Variants in ETF1 observed in about 807,000 individuals in gnomAD.
ETF1 encodes eukaryotic translation termination factor 1, also known as eukaryotic peptide chain release factor subunit 1.
In ETF1, 4 loss-of-function variants were observed where a neutral mutation model predicts 55.1. The observed-to-expected ratio is 0.07, with a 90% CI of 0.04 to 0.17. The LOEUF (loss-of-function observed/expected upper bound fraction) is 0.17, where lower values mean the gene tolerates loss of function less well. ETF1 is among the 10% of genes least tolerant of loss of function. ETF1 has a pLI of 1.00. For missense variants in ETF1, 142 were observed against 523.6 expected, an observed-to-expected ratio of 0.27 and a Z score of 7.11; for synonymous variants, 157 against 182.3, an observed-to-expected ratio of 0.86 and a Z score of 1.12.
rs138714383 is a variant in ETF1, at chr5:138,528,193, T to G, written c.87-9326A>C. 3.8e-3 allele frequency among the ~76,000 whole-genome samples: 578 copies of G among 152,234 alleles called. 9 individuals are homozygous for G. Among genetic ancestry groups the G allele is most frequent in the African/African-American group, 0.013 (535 of 41,546 alleles). On this transcript the variant is annotated intron_variant, in intron 2 of 10. Transcript: ENST00000360541. ...ATGAAAACGGATGGCAAAGGTAAAG[T>G]CTCAGAGCTGAGGAAGAACAGGCAA...
chr5:138,507,350 C>T lies in ETF1; in HGVS notation c.*955G>A, dbSNP rs1205349648. On this transcript the variant is annotated 3_prime_UTR_variant, in exon 11 of 11. Coordinates refer to ENST00000360541, the MANE Select transcript of ETF1 (RefSeq NM_004730.4). The stretch of plus-strand genomic sequence containing the variant: ...TAATAAATCAAAACATTCACATAAT[C>T]TCATGCCATCCAACACAAGGAAAAC... 6.6e-6 allele frequency: 1 copy of T among 152,616 alleles called. No homozygotes were observed. The highest frequency in any genetic ancestry group is 6.5e-5 in the Admixed American group (1 of 15,278). 9.5% of individuals were successfully genotyped at this position (152,616 alleles called of 1,614,324 possible). A position where few individuals can be genotyped will look rare whatever the true frequency, so the allele number is the denominator to read the frequency against.
At chr5:138,541,880 T>TAA (rs60254128) in intron 2 of ETF1, among the ~76,000 whole-genome samples, 1 of 149,478 alleles carries the variant, frequency 6.7e-6, no homozygotes, top group Non-Finnish European at 1.5e-5. Flanking sequence ...CGAACAACGT[T>TAA]AAAAAAAAAA....
rs150933844 is a variant in ETF1 at position 138,511,136 on chromosome 5, T to C, written c.927A>G (p.Leu309=). Residue 309 remains leucine (L), a synonymous_variant, in exon 8 of 11, where the codon CTA becomes CTG. Transcript: ENST00000360541. ...GKYCFGVEDT[L]KALEMGAVEI... is the part of the protein sequence containing the mutation. ...CTACAGCTCCCATTTCCAAAGCCTTTAGTGTATCTTCAACGCCAAAACAGT... is the reference window on the plus strand; with the variant it reads ...CTACAGCTCCCATTTCCAAAGCCTTCAGTGTATCTTCAACGCCAAAACAGT... The C allele has an allele frequency of 9.5e-5, 153 of 1,613,992 alleles. No homozygotes were observed. The highest frequency in any genetic ancestry group is 1.2e-4 in the Non-Finnish European group (145 of 1,179,982).
intron 2 of ETF1, among the ~76,000 whole-genome samples, chr5:138,521,246 T>C (rs1765219544): frequency 6.6e-6 from 1 of 152,198 alleles, no homozygotes; most frequent in African/African-American, 2.4e-5. Context: ...TACTGTATGA[T>C]TCTGCTTACA....
intron 2 of ETF1, among the ~76,000 whole-genome samples, chr5:138,533,624 T>G (rs1483176697): frequency 6.6e-6 from 1 of 152,156 alleles, no homozygotes; most frequent in Non-Finnish European, 1.5e-5. Context: ...AGGCAGTGGT[T>G]GCGGTGAGCC....
intron 6 of ETF1, chr5:138,511,812 G>C (rs1764796834): frequency 2.0e-6 from 2 of 982,056 alleles, no homozygotes; most frequent in Non-Finnish European, 2.4e-6. Flanking sequence ...CATTTTATTA[G>C]ACCTACTATA....
intron 2 of ETF1, among the ~76,000 whole-genome samples, chr5:138,529,926 C>T (rs1034381003): frequency 6.6e-6 from 1 of 151,946 alleles, no homozygotes; most frequent in Non-Finnish European, 1.5e-5. Flanking sequence ...TTTTTATTTT[C>T]GAGATAGGAT....
chr5:138,542,824 G>A lies in ETF1; in HGVS notation c.86+9C>T, dbSNP rs1326747584. On this transcript the variant is annotated intron_variant, in intron 2 of 10. Coordinates refer to ENST00000360541, the MANE Select transcript of ETF1 (RefSeq NM_004730.4). ...AGAGGGCACGGAGGGTGCCGGACGCGGCGCTCACCCGCGGGCCGCCTCCAA... is the reference window on the plus strand; with the variant it reads ...AGAGGGCACGGAGGGTGCCGGACGCAGCGCTCACCCGCGGGCCGCCTCCAA... 1 of 1,612,106 alleles carries A rather than the reference G, an allele frequency of 6.2e-7. No individual in the cohort carries two copies.
chr5:138,532,642 T>C (rs1305618698), intron 2 of ETF1, among the ~76,000 whole-genome samples: 1 of 152,208 alleles, frequency 6.6e-6, no homozygotes, highest in Non-Finnish European at 1.5e-5. Context: ...TCCTGAAGTA[T>C]GAGCTGATTT....
Position 138,541,739 on chromosome 5 carries a change from G to A in ETF1, c.86+1094C>T, listed in dbSNP as rs889339536. The A allele has an allele frequency of 6.0e-5, 41 of 679,752 alleles. No homozygotes were observed. In the African/African-American group the frequency reaches 7.9e-4, roughly 13 times the overall value. 42.1% of individuals were successfully genotyped at this position (679,752 alleles called of 1,614,324 possible). ...TAAGAATGCTCAGACATACAAGTAT[G>A]TAATAATGTTCCAAACACTTTTTTT... On this transcript the variant is annotated intron_variant, in intron 2 of 10. Transcript: ENST00000360541.
chr5:138,523,512 A>G (rs1285253245), intron 2 of ETF1, among the ~76,000 whole-genome samples: 1 of 152,102 alleles, frequency 6.6e-6, no homozygotes, highest in Non-Finnish European at 1.5e-5. Flanking sequence ...CCAGCCTGAC[A>G]ACAGAGTGAA....
In ETF1 at chr5:138,542,856, A is replaced by G. The variant is rs780545393; in HGVS notation, c.63T>C (p.Ile21=). Residue 21 remains isoleucine (I), a synonymous_variant, in exon 2 of 11, where the codon ATT becomes ATC. Coordinates refer to ENST00000360541, the MANE Select transcript of ETF1 (RefSeq NM_004730.4). ...NVEIWKIKKL[I]KSLEAARGNG... Reference sequence around the variant, plus strand: ...ACCCGCGGGCCGCCTCCAAGCTCTTAATGAGCTTCTTGATCTTCCAGATCT... The same window carrying G: ...ACCCGCGGGCCGCCTCCAAGCTCTTGATGAGCTTCTTGATCTTCCAGATCT... 2.5e-6 allele frequency: 4 copies of G among 1,613,110 alleles called. No individual in the cohort carries two copies. In the East Asian group the frequency reaches 8.9e-5, roughly 36 times the overall value.
chr5:138,518,257 C>T (rs926407793), intron 3 of ETF1, among the ~76,000 whole-genome samples: 3 of 150,612 alleles, frequency 2.0e-5, no homozygotes, highest in South Asian at 2.1e-4. Flanking sequence ...GTCACTCAGG[C>T]TAGTGTGCAG....
At chr5:138,525,333 T>C (rs1224681766) in intron 2 of ETF1, among the ~76,000 whole-genome samples, 1 of 151,982 alleles carries the variant, frequency 6.6e-6, no homozygotes, top group Non-Finnish European at 1.5e-5. Flanking sequence ...AATTTTTGTA[T>C]TTTTAGTAGA....
intron 8 of ETF1, 119 bp from the exon 9 acceptor site, chr5:138,510,748 T>A: frequency 1.8e-5 from 25 of 1,374,560 alleles, no homozygotes; most frequent in Non-Finnish European, 2.3e-5. Flanking sequence ...CAACATTTTT[T>A]CCATAAACAT....
At chr5:138,523,227 C>T (rs921658103) in intron 2 of ETF1, among the ~76,000 whole-genome samples, 3 of 151,986 alleles carry the variant, frequency 2.0e-5, no homozygotes, top group African/African-American at 4.8e-5. Context: ...ATTAGCCGGG[C>T]GTGGTGGTGT....
intron 2 of ETF1, among the ~76,000 whole-genome samples, chr5:138,537,837 C>T (rs1217528294): frequency 1.3e-5 from 2 of 151,772 alleles, no homozygotes; most frequent in African/African-American, 2.4e-5. Flanking sequence ...ACCTTGGCCT[C>T]CCAAAGTGCT....
chr5:138,512,667 G>T, intron 6 of ETF1, 97 bp downstream of exon 6: 1 of 1,152,476 alleles, frequency 8.7e-7, no homozygotes. Context: ...TTAACCCAAG[G>T]AATTTTAAAA....
rs548404062 is a variant in ETF1, at chr5:138,532,127, T to C, written c.86+10706A>G. ...AAGTCACTAAGCCAGCAGTATTACA[T>C]GGATCACCACCTGAAAATCAATCAG... On this transcript the variant is annotated intron_variant, in intron 2 of 10. Transcript: ENST00000360541. Among the ~76,000 whole-genome samples, 3 of 152,334 alleles carry C rather than the reference T, an allele frequency of 2.0e-5. No individual in the cohort carries two copies. In the South Asian group the frequency reaches 6.2e-4, roughly 32 times the overall value.
Sources: allele counts gnomAD v4.1 joint callset (sites outside exome capture counted in the v4.1 genomes callset), GRCh38; gene constraint gnomAD v4.1.1; transcripts MANE v1.5; gene names NCBI Gene and HGNC (gene_info 2026-07-23, HGNC 2026-07-21).